Variants in GPC5 observed in about 807,000 individuals in gnomAD.
GPC5 encodes the protein glypican 5, also known as glypican-5.
GPC5 carries 47 observed loss-of-function variants against 53.9 expected under a neutral mutation model. The ratio of observed to expected loss-of-function variants is 0.87; its 90% CI spans 0.69 to 1.11. The LOEUF (loss-of-function observed/expected upper bound fraction) is 1.11. GPC5 is among the 50% of genes most tolerant of loss of function. The probability of loss-of-function intolerance (pLI) is 0.00; values close to 1 mark genes in which losing one functional copy is unlikely to be tolerated. For missense variants in GPC5, 748 were observed against 713.1 expected, an observed-to-expected ratio of 1.05 and a Z score of -0.56; for synonymous variants, 286 against 263.3, an observed-to-expected ratio of 1.09 and a Z score of -0.84.
chr13:92,510,388 G>A (rs921652106), intron 7 of GPC5, among the ~76,000 whole-genome samples: 10 of 152,090 alleles, frequency 6.6e-5, no homozygotes, highest in African/African-American at 1.7e-4. Flanking sequence ...GACCTACATC[G>A]AAGGGAATGA....
At chr13:92,112,276 T>G (rs936837258) in intron 6 of GPC5, among the ~76,000 whole-genome samples, 2 of 151,976 alleles carry the variant, frequency 1.3e-5, no homozygotes, top group Non-Finnish European at 2.9e-5. Context: ...TAATTATCGA[T>G]AAGGTAACTC....
In GPC5 at chr13:91,846,150, G is replaced by A. The variant is rs2038846480; in HGVS notation, c.1281-61787G>A. Among the ~76,000 whole-genome samples the A allele has an allele frequency of 2.6e-5, 4 of 152,190 alleles. No individual in the cohort carries two copies. In the South Asian group the frequency reaches 6.2e-4, roughly 24 times the overall value. ...TGACCTGAAAAGTACCTATATGGCGGTAAGACACTTTACATATCCCCTAGT... is the reference window on the plus strand; with the variant it reads ...TGACCTGAAAAGTACCTATATGGCGATAAGACACTTTACATATCCCCTAGT... On this transcript the variant is annotated intron_variant, in intron 5 of 7. Coordinates refer to ENST00000377067, the MANE Select transcript of GPC5 (RefSeq NM_004466.6).
At chr13:91,598,690 A>G (rs914488598) in intron 2 of GPC5, among the ~76,000 whole-genome samples, 3 of 152,034 alleles carry the variant, frequency 2.0e-5, no homozygotes, top group Non-Finnish European at 4.4e-5. Context: ...ATTTTTCTAA[A>G]TGTCATATGA....
intron 7 of GPC5, among the ~76,000 whole-genome samples, chr13:92,325,103 GACACAC>G (rs140189672): frequency 3.4e-5 from 5 of 146,336 alleles, no homozygotes; most frequent in Non-Finnish European, 6.1e-5. Context: ...AATAACTTCT[GACACAC>G]ACACACACAC....
chr13:92,669,561 G>A (rs1886679622), intron 7 of GPC5, among the ~76,000 whole-genome samples: 1 of 152,164 alleles, frequency 6.6e-6, no homozygotes, highest in Non-Finnish European at 1.5e-5. Context: ...TGTTCATCTA[G>A]AAACATGGAG....
intron 7 of GPC5, among the ~76,000 whole-genome samples, chr13:92,494,904 C>T (rs1023449154): frequency 1.3e-5 from 2 of 152,138 alleles, no homozygotes; most frequent in Non-Finnish European, 2.9e-5. Context: ...ACCAATTAAA[C>T]ATTATTATTC....
intron 7 of GPC5, among the ~76,000 whole-genome samples, chr13:92,547,106 T>A (rs754118973): frequency 1.5e-4 from 23 of 152,200 alleles, no homozygotes; most frequent in Non-Finnish European, 3.1e-4. Context: ...TGCATTATGA[T>A]TCTAGGTGCA....
At chr13:92,156,014 C>T (rs2041942494) in intron 7 of GPC5, among the ~76,000 whole-genome samples, 1 of 152,050 alleles carries the variant, frequency 6.6e-6, no homozygotes, top group Non-Finnish European at 1.5e-5. Flanking sequence ...TATAAATTCC[C>T]TTCATTTTTA....
intron 7 of GPC5, chr13:92,447,801 T>C (rs1214235398): frequency 6.6e-6 from 1 of 152,126 alleles, no homozygotes; most frequent in African/African-American, 2.4e-5. Flanking sequence ...TGAACATATG[T>C]TTAAGAGTGC....
At chr13:92,423,565 C>A (rs557620226) in intron 7 of GPC5, among the ~76,000 whole-genome samples, 1 of 152,078 alleles carries the variant, frequency 6.6e-6, no homozygotes, top group African/African-American at 2.4e-5. Context: ...ATGTCTCCAC[C>A]AAAGCATAGA....
chr13:92,764,908 T>G (rs1362916051), intron 7 of GPC5, among the ~76,000 whole-genome samples: 2 of 152,080 alleles, frequency 1.3e-5, no homozygotes, highest in Non-Finnish European at 2.9e-5. Context: ...TAATTTCACT[T>G]TTTTCATTTC....
At chr13:91,842,575 G>C (rs2038800082) in intron 5 of GPC5, among the ~76,000 whole-genome samples, 1 of 149,994 alleles carries the variant, frequency 6.7e-6, no homozygotes, top group Non-Finnish European at 1.5e-5. Context: ...GTTGGCGGGC[G>C]CCTGTAGTCC....
chr13:92,402,140 C>G (rs990588287), intron 7 of GPC5, among the ~76,000 whole-genome samples: 1 of 152,096 alleles, frequency 6.6e-6, no homozygotes, highest in African/African-American at 2.4e-5. Flanking sequence ...AATTGTTTGA[C>G]TAGATATGAC....
intron 7 of GPC5, among the ~76,000 whole-genome samples, chr13:92,344,610 T>A (rs1230369414): frequency 6.6e-6 from 1 of 152,116 alleles, no homozygotes; most frequent in Non-Finnish European, 1.5e-5. Flanking sequence ...CAAAAATGAC[T>A]GATAAAAGGA....
At chr13:91,750,737 A>G (rs1439696189) in intron 4 of GPC5, among the ~76,000 whole-genome samples, 2 of 140,180 alleles carry the variant, frequency 1.4e-5, no homozygotes, top group East Asian at 2.1e-4. Context: ...CTGGAGTGCA[A>G]TGGCGCCATC....
intron 7 of GPC5, among the ~76,000 whole-genome samples, chr13:92,385,429 C>CACAT (rs2043789720): frequency 1.3e-5 from 1 of 77,184 alleles, no homozygotes; most frequent in African/African-American, 4.6e-5. Flanking sequence ...TACATATATA[C>CACAT]ATATATACAT....
chr13:91,472,089 G>T (rs2139183014), intron 2 of GPC5, among the ~76,000 whole-genome samples: 1 of 152,072 alleles, frequency 6.6e-6, no homozygotes, highest in South Asian at 2.1e-4. Flanking sequence ...TCTGCAATAG[G>T]TCTTGTTTCC....
chr13:91,985,405 C>T (rs2040397777), intron 6 of GPC5, among the ~76,000 whole-genome samples: 1 of 147,916 alleles, frequency 6.8e-6, no homozygotes, highest in African/African-American at 2.5e-5. Context: ...CAATCTTTGC[C>T]TTTTAATTAT....
At chr13:92,510,387 C>T (rs771816275) in intron 7 of GPC5, among the ~76,000 whole-genome samples, 5 of 152,054 alleles carry the variant, frequency 3.3e-5, no homozygotes, top group Non-Finnish European at 7.4e-5. Flanking sequence ...AGACCTACAT[C>T]GAAGGGAATG....
Sources: gnomAD v4.1 joint callset for allele counts (sites outside exome capture counted in the v4.1 genomes callset) on GRCh38, gnomAD v4.1.1 for gene constraint, MANE v1.5 for transcripts, NCBI Gene and HGNC (gene_info 2026-07-23, HGNC 2026-07-21) for gene names.